The following GPR161 variants were observed in gnomAD, a reference collection of about 807,000 sequenced individuals.
GPR161 encodes the protein G-protein coupled receptor RE2.
Under a neutral mutation model 39.2 loss-of-function variants are expected in GPR161, and 25 were observed. The ratio of observed to expected loss-of-function variants is 0.64; its 90% CI spans 0.47 to 0.89. The LOEUF (loss-of-function observed/expected upper bound fraction) is 0.89. Ranked by LOEUF, GPR161 falls within the 40% of genes least tolerant of loss-of-function variation. The pLI, the probability that GPR161 is intolerant of heterozygous loss-of-function variation, is 0.00. For synonymous variants in GPR161, 286 were observed against 276.6 expected, an observed-to-expected ratio of 1.03 and a Z score of -0.34; for missense variants, 547 against 677.8, an observed-to-expected ratio of 0.81 and a Z score of 2.14.
chr1:168,102,054 C>T (rs777991955), intron 2 of GPR161, among the ~76,000 whole-genome samples: 4 of 152,176 alleles, frequency 2.6e-5, no homozygotes, highest in Non-Finnish European at 4.4e-5. Context: ...CCACCCACCT[C>T]GGCCTCCCAA....
intron 1 of GPR161, 28 bp downstream of exon 1, chr1:168,136,711 G>GCGCCCGCGCCCCA: frequency 1.9e-6 from 2 of 1,041,548 alleles, no homozygotes; most frequent in South Asian, 8.9e-5. Flanking sequence ...GCCCGGGCCC[G>GCGCCCGCGCCCCA]CGCCCGCGCC....
intron 5 of GPR161, among the ~76,000 whole-genome samples, chr1:168,086,044 A>G (rs1000274100): frequency 2.0e-5 from 3 of 152,206 alleles, no homozygotes; most frequent in Non-Finnish European, 2.9e-5. Context: ...GATACCTCTT[A>G]CTCCAAGAAG....
intron 1 of GPR161, among the ~76,000 whole-genome samples, chr1:168,115,333 T>C (rs1229733815): frequency 1.3e-5 from 2 of 151,764 alleles, no homozygotes. Context: ...ATATAACACA[T>C]GTCAAGACTC....
At chr1:168,136,073 A>T in intron 1 of GPR161, 2 of 1,256,040 alleles carry the variant, frequency 1.6e-6, no homozygotes, top group African/African-American at 3.1e-5. Flanking sequence ...AGCTTGGCCC[A>T]GAAGGCGCCG....
rs1227998918 is a variant in GPR161, at chr1:168,096,749, G to A, written c.858C>T (p.Tyr286=). 6.2e-7 allele frequency: 1 copy of A among 1,614,112 alleles called. No homozygotes were observed. The change falls in exon 3 of 6, where the codon TAC becomes TAT. Residue 286 remains tyrosine, a synonymous_variant. Transcript: ENST00000682931. ...GGGCCTCAGAGGCGATGACAACCAT[G>A]TAGGGGCCCCAGGTGACCATGAAGG... The part of the protein sequence containing the change: ...LGAFMVTWGP[Y]MVVIASEALW...
rs141008345 is a variant in GPR161 at position 168,094,851 on chromosome 1, T to A, written c.1099+1657A>T. Reference sequence around the variant, plus strand: ...CACAGTAAAAATGCTAGAGGCAAGATCCACAAATGTGTCCTGAGTCAGTGG... The same window carrying A: ...CACAGTAAAAATGCTAGAGGCAAGAACCACAAATGTGTCCTGAGTCAGTGG... On this transcript the variant is annotated intron_variant, in intron 3 of 5. Transcript: ENST00000682931. Among the ~76,000 whole-genome samples, 236 of 152,322 alleles carry A rather than the reference T, an allele frequency of 1.5e-3. 1 individual carries two copies. The highest frequency in any genetic ancestry group is 6.8e-3 in the Middle Eastern group (2 of 294).
At chr1:168,116,024 A>G (rs1251688799) in intron 1 of GPR161, among the ~76,000 whole-genome samples, 2 of 151,898 alleles carry the variant, frequency 1.3e-5, no homozygotes, top group Non-Finnish European at 2.9e-5. Context: ...TGATCTGCCC[A>G]CCTCGGCCTC....
At chr1:168,111,681 T>A (rs1697185427) in intron 1 of GPR161, among the ~76,000 whole-genome samples, 1 of 152,212 alleles carries the variant, frequency 6.6e-6, no homozygotes, top group Admixed American at 6.5e-5. Flanking sequence ...AATACATTTT[T>A]AAAAACTGTT....
intron 2 of GPR161, among the ~76,000 whole-genome samples, chr1:168,100,980 T>A (rs79247869): frequency 0.021 from 3,223 of 152,276 alleles, 115 homozygotes; most frequent in African/African-American, 0.072. Context: ...CTACTTTCAC[T>A]TGGCTGGTTT....
At chr1:168,111,615 T>C (rs866677880) in intron 1 of GPR161, among the ~76,000 whole-genome samples, 6 of 152,242 alleles carry the variant, frequency 3.9e-5, no homozygotes, top group African/African-American at 1.2e-4. Flanking sequence ...GTCCTTGGGC[T>C]AATAAATTAA....
chr1:168,116,158 C>A (rs1174221185), intron 1 of GPR161, among the ~76,000 whole-genome samples: 2 of 152,180 alleles, frequency 1.3e-5, no homozygotes, highest in Non-Finnish European at 2.9e-5. Flanking sequence ...ATTTCCTCCT[C>A]CACAGGCTCC....
Position 168,104,591 on chromosome 1 carries a change from C to T in GPR161, c.260G>A (p.Ser87Asn), listed in dbSNP as rs1485792628. The change falls in exon 2 of 6, where the codon AGC becomes AAC. Residue 87 changes from serine (S) to asparagine (N), a missense_variant. By Grantham distance (46) the Ser-to-Asn change is conservative (BLOSUM62 1). Coordinates refer to ENST00000682931, the MANE Select transcript of GPR161 (RefSeq NM_001375883.1). ...SVLVLPFVVT[S>N]SIRREWIFGV... The stretch of plus-strand genomic sequence containing the variant: ...AAAGATCCATTCCCTGCGGATGGAG[C>T]TCGTCACCACAAAAGGCAGCACCAA... 6.2e-7 allele frequency: 1 copy of T among 1,613,860 alleles called. No homozygotes were observed. The highest frequency in any genetic ancestry group is 8.5e-7 in the Non-Finnish European group (1 of 1,179,972).
chr1:168,134,803 G>C (rs1699245135), intron 1 of GPR161: 4 of 1,008,498 alleles, frequency 4.0e-6, no homozygotes, highest in Non-Finnish European at 6.0e-6. Context: ...GACAGGCTTA[G>C]CAGCACACAG....
chr1:168,113,019 G>A (rs759192258), intron 1 of GPR161, among the ~76,000 whole-genome samples: 9 of 152,210 alleles, frequency 5.9e-5, no homozygotes, highest in Non-Finnish European at 1.2e-4. Context: ...GAGGTCTGGA[G>A]TAGCGAAGGC....
At chr1:168,099,863 ATGTATGTACAT>A (rs1239687377) in intron 2 of GPR161, among the ~76,000 whole-genome samples, 3 of 146,222 alleles carry the variant, frequency 2.1e-5, no homozygotes, top group Non-Finnish European at 4.5e-5. Flanking sequence ...TGTGGATAAA[ATGTATGTACAT>A]TGAAATGCAC....
intron 2 of GPR161, among the ~76,000 whole-genome samples, chr1:168,100,917 A>G (rs1238628828): frequency 6.6e-6 from 1 of 152,198 alleles, no homozygotes; most frequent in Non-Finnish European, 1.5e-5. Context: ...CTTCTAAGTA[A>G]TGGACGTTCA....
chr1:168,090,754 G>C (rs559287522), intron 3 of GPR161, 86 bp from the exon 4 acceptor site: 2 of 621,678 alleles, frequency 3.2e-6, no homozygotes, highest in African/African-American at 3.7e-5. Context: ...CCCATCTCCT[G>C]CCCTTCTGTT....
At chr1:168,094,489 C>T (rs1379648530) in intron 3 of GPR161, among the ~76,000 whole-genome samples, 3 of 152,170 alleles carry the variant, frequency 2.0e-5, no homozygotes, top group Non-Finnish European at 4.4e-5. Context: ...CTTCCTTCCT[C>T]TCTTGGAAAT....
intron 4 of GPR161, chr1:168,088,559 C>T (rs1038297523): frequency 6.6e-6 from 1 of 152,196 alleles, no homozygotes; most frequent in African/African-American, 2.4e-5. Context: ...GTCGGACAGA[C>T]CTAGGATCAC....
Sources: allele counts gnomAD v4.1 joint callset (sites outside exome capture counted in the v4.1 genomes callset), GRCh38; gene constraint gnomAD v4.1.1; transcripts MANE v1.5; gene names NCBI Gene and HGNC (gene_info 2026-07-23, HGNC 2026-07-21).